Variants in CLUAP1 observed in about 807,000 individuals in gnomAD.
CLUAP1 encodes the protein intraflagellar transport 38.
CLUAP1 carries 50 observed loss-of-function variants against 55.0 expected under a neutral mutation model. That is an observed-to-expected ratio of 0.91 (90% CI 0.72 to 1.15). The LOEUF (loss-of-function observed/expected upper bound fraction) is 1.15. Ranked by LOEUF, CLUAP1 falls within the 50% of genes most tolerant of loss-of-function variation. CLUAP1 has a pLI of 0.00. For synonymous variants in CLUAP1, 195 were observed against 175.4 expected (o/e 1.11, Z -0.88); for missense variants, 530 against 507.6 (o/e 1.04, Z -0.42).
intron 1 of CLUAP1, among the ~76,000 whole-genome samples, chr16:3,503,015 T>C (rs1162479426): frequency 6.6e-6 from 1 of 152,176 alleles, no homozygotes; most frequent in Non-Finnish European, 1.5e-5. Flanking sequence ...ACAGTCTTGC[T>C]CTGTCTCCCA....
intron 8 of CLUAP1, 62 bp from the exon 9 acceptor site, chr16:3,526,347 TGAA>T: frequency 9.1e-7 from 1 of 1,102,716 alleles, no homozygotes. Context: ...TACACAGTGG[TGAA>T]GAAGAATAGA....
chr16:3,502,759 G>A (rs1026972504), intron 1 of CLUAP1, among the ~76,000 whole-genome samples: 6 of 152,140 alleles, frequency 3.9e-5, no homozygotes, highest in Non-Finnish European at 7.4e-5. Flanking sequence ...GCACCCTGCC[G>A]GGGGACGTAG....
intron 10 of CLUAP1, among the ~76,000 whole-genome samples, chr16:3,532,405 T>C (rs1368330780): frequency 1.8e-4 from 4 of 22,510 alleles, no homozygotes; most frequent in African/African-American, 1.7e-3. Context: ...CACAGTTGCT[T>C]TTTTTTTTTT....
intron 9 of CLUAP1, among the ~76,000 whole-genome samples, chr16:3,528,691 T>C (rs2037995923): frequency 6.6e-6 from 1 of 152,192 alleles, no homozygotes; most frequent in Admixed American, 6.5e-5. Flanking sequence ...TTTACCTTTG[T>C]GTTTTCTTCT....
rs1191383393 is a variant in CLUAP1, at chr16:3,536,958, G to T, written c.*687G>T. The T allele has an allele frequency of 6.6e-6, 1 of 152,230 alleles. No homozygotes were observed. The highest frequency in any genetic ancestry group is 1.5e-5 in the Non-Finnish European group (1 of 68,052). The allele number at this position is 152,230 out of a possible 1,614,324, so 9.4% of individuals were successfully genotyped here. On this transcript the variant is annotated 3_prime_UTR_variant, in exon 12 of 12. Coordinates refer to ENST00000576634, the MANE Select transcript of CLUAP1 (RefSeq NM_015041.3). ...AAGCTGACATTCCTCTGGCAGTCCAGTTCACCTTGGATTACAGCCACCTTC... is the reference window on the plus strand; with the variant it reads ...AAGCTGACATTCCTCTGGCAGTCCATTTCACCTTGGATTACAGCCACCTTC...
Position 3,506,377 on chromosome 16 carries a change from G to C in CLUAP1, c.181G>C (p.Asp61His), listed in dbSNP as rs1012028122. 2 of 1,613,958 alleles carry C rather than the reference G, an allele frequency of 1.2e-6. No individual in the cohort carries two copies. The highest frequency in any genetic ancestry group is 2.2e-5 in the South Asian group (2 of 91,088). The change falls in exon 3 of 12, where the codon GAC becomes CAC. Residue 61 changes from aspartate (D) to histidine (H), a missense_variant. Physicochemically the swap from Asp to His is moderately conservative, Grantham distance 81. Transcript: ENST00000576634. Reference protein sequence around the residue: ...DIPPDVDTEQDRVFFIKAIAQ... With the variant: ...DIPPDVDTEQHRVFFIKAIAQ... ...CCCGCCTGACGTGGATACTGAACAG[G>C]ACCGAGTTTTCTTCATTAAGGCAAT...
At chr16:3,498,863 A>AAAAC (rs201830529), upstream of CLUAP1, among the ~76,000 whole-genome samples, 2,023 of 151,512 alleles carry the variant, frequency 0.013, 33 homozygotes, top group Middle Eastern at 0.055. Flanking sequence ...TCCATCTCAA[A>AAAAC]AAACAAACAA....
chr16:3,533,059 T>G (rs1278922532), intron 11 of CLUAP1: 6 of 1,524,156 alleles, frequency 3.9e-6, no homozygotes, highest in Non-Finnish European at 5.3e-6. Context: ...CTCTGCTTTT[T>G]TTGCCTTCTC....
intron 9 of CLUAP1, among the ~76,000 whole-genome samples, chr16:3,529,282 T>G (rs985459779): frequency 2.7e-5 from 4 of 148,508 alleles, no homozygotes; most frequent in Non-Finnish European, 3.0e-5. Context: ...AGATCTTTTT[T>G]GAACTTTGTA....
chr16:3,502,032 T>G (rs1596380453), intron 1 of CLUAP1: 1 of 152,106 alleles, frequency 6.6e-6, no homozygotes, highest in Non-Finnish European at 1.5e-5. Flanking sequence ...TGAATTCAGG[T>G]TGCCTGAACT....
chr16:3,500,640 G>T (rs544491007), upstream of CLUAP1, among the ~76,000 whole-genome samples: 35 of 152,304 alleles, frequency 2.3e-4, no homozygotes, highest in Admixed American at 4.6e-4. Context: ...CAAAGTGCTG[G>T]GATTGTAGGC....
At chr16:3,507,559 CAA>C (rs59370795) in intron 3 of CLUAP1, among the ~76,000 whole-genome samples, 317 of 115,030 alleles carry the variant, frequency 2.8e-3, no homozygotes, top group African/African-American at 8.6e-3. Flanking sequence ...GACCCTATCT[CAA>C]AAAAAAAAAA....
chr16:3,536,582 A>C lies in CLUAP1; in HGVS notation c.*311A>C. The C allele has an allele frequency of 4.4e-6, 1 of 226,912 alleles. No homozygotes were observed. The highest frequency in any genetic ancestry group is 8.7e-6 in the Non-Finnish European group (1 of 114,776). The allele number at this position is 226,912 out of a possible 1,614,324, so 14.1% of individuals were successfully genotyped here. On this transcript the variant is annotated 3_prime_UTR_variant, in exon 12 of 12. Coordinates refer to ENST00000576634, the MANE Select transcript of CLUAP1 (RefSeq NM_015041.3). The stretch of plus-strand genomic sequence containing the variant: ...AAGAAGAAATAAGAGCTGACGCCAC[A>C]CAAGTCTTGGCTGCTTTTGTTACTA...
Position 3,523,143 on chromosome 16 carries a change from A to T in CLUAP1, c.714-15A>T, listed in dbSNP as rs1357598557. ...ATAATTCACCTTTCCTTTTTATTTC[A>T]TTTGCTTCTTTTAGGCCATGTTTTA... is the stretch of plus-strand genomic sequence containing the variant. On this transcript the variant is annotated splice_polypyrimidine_tract_variant and intron_variant, in intron 7 of 11. Transcript: ENST00000576634. 6.3e-7 allele frequency: 1 copy of T among 1,598,076 alleles called. No individual in the cohort carries two copies. The highest frequency in any genetic ancestry group is 1.3e-5 in the African/African-American group (1 of 74,118).
intron 5 of CLUAP1, among the ~76,000 whole-genome samples, chr16:3,514,710 G>A (rs1468875616): frequency 6.6e-6 from 1 of 152,212 alleles, no homozygotes; most frequent in Non-Finnish European, 1.5e-5. Context: ...GTGCCTTGTT[G>A]CTGAGTCCTC....
At chr16:3,517,511 A>G (rs1365164116) in intron 6 of CLUAP1, among the ~76,000 whole-genome samples, 1 of 151,520 alleles carries the variant, frequency 6.6e-6, no homozygotes, top group Admixed American at 6.6e-5. Flanking sequence ...GAGTTTTGCC[A>G]TGTTTGGCCA....
At chr16:3,515,245 G>A (rs536480936) in intron 5 of CLUAP1, 1 of 285,470 alleles carries the variant, frequency 3.5e-6, no homozygotes, top group African/African-American at 2.2e-5. Context: ...GATAATGGAT[G>A]CTAAGTTCAG....
At chr16:3,531,179 C>T (rs114196633) in intron 10 of CLUAP1, among the ~76,000 whole-genome samples, 2,941 of 152,196 alleles carry the variant, frequency 0.019, 96 homozygotes, top group African/African-American at 0.061. Context: ...ATGATTGTGT[C>T]CGTGAATATC....
chr16:3,509,975 C>T (rs894368462), intron 4 of CLUAP1: 17 of 152,450 alleles, frequency 1.1e-4, no homozygotes, highest in African/African-American at 3.9e-4. Context: ...TACAGGTACA[C>T]ACCACCATGC....
Sources: gnomAD v4.1 joint callset for allele counts (sites outside exome capture counted in the v4.1 genomes callset) on GRCh38, gnomAD v4.1.1 for gene constraint, MANE v1.5 for transcripts, NCBI Gene and HGNC (gene_info 2026-07-23, HGNC 2026-07-21) for gene names.